The following MPO variants were observed in gnomAD, a reference collection of about 807,000 sequenced individuals.
MPO encodes myeloperoxidase.
MPO carries 57 observed loss-of-function variants against 69.4 expected under a neutral mutation model. The observed-to-expected ratio is 0.82, with a 90% CI of 0.66 to 1.02. MPO has a LOEUF of 1.02. Ranked by LOEUF, MPO falls within the 50% of genes least tolerant of loss-of-function variation. MPO has a pLI of 0.00. For synonymous variants in MPO, 426 were observed against 417.1 expected, an observed-to-expected ratio of 1.02 and a Z score of -0.26; for missense variants, 971 against 1,014.1, an observed-to-expected ratio of 0.96 and a Z score of 0.58.
In MPO at chr17:58,280,596, A is replaced by T; in HGVS notation, c.154+9T>A. The stretch of plus-strand genomic sequence containing the variant: ...ACACACCATCTTCTCCCACCTTGGG[A>T]ACTGTTACCTGGAGCAGCACCTTCA... On this transcript the variant is annotated intron_variant, in intron 1 of 11. Transcript: ENST00000225275. 1 of 1,614,182 alleles carries T rather than the reference A, an allele frequency of 6.2e-7. No homozygotes were observed. The highest frequency in any genetic ancestry group is 8.5e-7 in the Non-Finnish European group (1 of 1,180,034).
At chr17:58,276,087 T>C (rs35286509) in intron 7 of MPO, among the ~76,000 whole-genome samples, 180 of 152,354 alleles carry the variant, frequency 1.2e-3, no homozygotes, top group African/African-American at 4.2e-3. Flanking sequence ...ACAGAGTGCC[T>C]GGTACAAAGT....
chr17:58,280,061 C>G (rs1192100560), intron 2 of MPO, 47 bp from the exon 3 acceptor site: 1 of 1,606,738 alleles, frequency 6.2e-7, no homozygotes, highest in South Asian at 1.1e-5. Flanking sequence ...GATACAGACC[C>G]ACCCAGCAGA....
Position 58,280,417 on chromosome 17 carries a change from A to T in MPO, c.197T>A (p.Met66Lys). The T allele has an allele frequency of 6.2e-7, 1 of 1,613,920 alleles. No homozygotes were observed. Among genetic ancestry groups the T allele is most frequent in the Non-Finnish European group, 8.5e-7 (1 of 1,179,978 alleles). The change falls in exon 2 of 12, where the codon ATG becomes AAG. Residue 66 changes from methionine to lysine, a missense_variant. Physicochemically the swap from Met to Lys is moderately conservative, Grantham distance 95. Transcript: ENST00000225275. ...EVDTSLVLSS[M>K]EEAKQLVDKA... ...GTCCACCAGCTGCTTGGCCTCCTCC[A>T]TGGAGCTCAGCACCAACGAGGTGTC...
rs1391168492 is a variant in MPO, at chr17:58,273,041, G to A, written c.1622-123C>T. 5 of 1,252,382 alleles carry A rather than the reference G, an allele frequency of 4.0e-6. No individual in the cohort carries two copies. In the South Asian group the frequency reaches 4.0e-5, roughly 10 times the overall value. The allele number at this position is 1,252,382 out of a possible 1,614,324, so 77.6% of individuals were successfully genotyped here. ...GAGAAGAGGGCTGGGCACAAGCAGT[G>A]CCTGGTGCCAAGGTGGTGGCCCCAG... On this transcript the variant is annotated intron_variant, in intron 9 of 11. Coordinates refer to ENST00000225275, the MANE Select transcript of MPO (RefSeq NM_000250.2).
Position 58,271,697 on chromosome 17 carries a change from C to G in MPO, c.1988G>C (p.Cys663Ser). 1 of 1,613,964 alleles carries G rather than the reference C, an allele frequency of 6.2e-7. No homozygotes were observed. The highest frequency in any genetic ancestry group is 8.5e-7 in the Non-Finnish European group (1 of 1,180,050). ...RKGRVGPLLACIIGTQFRKLR... is the reference protein window; with the variant it reads ...RKGRVGPLLASIIGTQFRKLR... ...CTTCCTGAACTGGGTACCGATGATG[C>G]AGGCGAGGAGTGGGCCCACGCGGCC... Residue 663 changes from cysteine (C) to serine (S), a missense_variant, in exon 11 of 12, where the codon TGC becomes TCC. By Grantham distance (112) the Cys-to-Ser change is moderately radical. Coordinates refer to ENST00000225275, the MANE Select transcript of MPO (RefSeq NM_000250.2).
Position 58,269,899 on chromosome 17 carries a change from A to G in MPO, c.*757T>C, listed in dbSNP as rs1970346148. 1 of 153,050 alleles carries G rather than the reference A, an allele frequency of 6.5e-6. No homozygotes were observed. Among genetic ancestry groups the G allele is most frequent in the Non-Finnish European group, 1.5e-5 (1 of 68,682 alleles). The allele number at this position is 153,050 out of a possible 1,614,324, so 9.5% of individuals were successfully genotyped here. The stretch of plus-strand genomic sequence containing the variant: ...TGCCTTTATTATCATAAACATTGGG[A>G]GCAAATAAATGGTACAGAAAGGGCA... On this transcript the variant is annotated 3_prime_UTR_variant, in exon 12 of 12. Transcript: ENST00000225275.
At position 58,275,816 on chromosome 17, in the gene MPO, C is replaced by A. The variant is rs897633717; in HGVS notation, c.1205-114G>T. The stretch of plus-strand genomic sequence containing the variant: ...GAAATGCCTCCTACTCACCCCTCCT[C>A]CCCATCCATCTTTTCAAACTATCCC... On this transcript the variant is annotated intron_variant, in intron 7 of 11. Transcript: ENST00000225275. The surrounding 1 kb of genome is among the most constrained non-coding windows in gnomAD (Gnocchi z 4.1). 7 of 1,256,666 alleles carry A rather than the reference C, an allele frequency of 5.6e-6. No homozygotes were observed. The highest frequency in any genetic ancestry group is 3.9e-5 in the Admixed American group (2 of 50,712). 77.8% of individuals were successfully genotyped at this position (1,256,666 alleles called of 1,614,324 possible). A position where few individuals can be genotyped will look rare whatever the true frequency, so the allele number is the denominator to read the frequency against.
Position 58,270,985 on chromosome 17 carries a change from GA to G in MPO, c.2031-123del. 9.2e-7 allele frequency: 1 copy of G among 1,090,202 alleles called. No individual in the cohort carries two copies. The highest frequency in any genetic ancestry group is 1.4e-6 in the Non-Finnish European group (1 of 730,682). The allele number at this position is 1,090,202 out of a possible 1,614,324, so 67.5% of individuals were successfully genotyped here. A position where few individuals can be genotyped will look rare whatever the true frequency, so the allele number is the denominator to read the frequency against. On this transcript the variant is annotated intron_variant, in intron 11 of 11. Coordinates refer to ENST00000225275, the MANE Select transcript of MPO (RefSeq NM_000250.2). This position sits in a 1 kb window ranked among gnomAD's most constrained non-coding sequence, Gnocchi z 4.1. ...CAACAAATGCCACCTGGAAGCACAGGAGGGCCCCAGGCCCTTGGGCAGCCCA... is the reference window on the plus strand; with the variant it reads ...CAACAAATGCCACCTGGAAGCACAGGGGGCCCCAGGCCCTTGGGCAGCCCA...
Position 58,277,830 on chromosome 17 carries a change from C to A in MPO, c.1201G>T (p.Ala401Ser). The A allele has an allele frequency of 6.2e-7, 1 of 1,602,524 alleles. No individual in the cohort carries two copies. The highest frequency in any genetic ancestry group is 8.5e-7 in the Non-Finnish European group (1 of 1,179,964). The change falls in exon 7 of 12, where the codon GCA becomes TCA. Residue 401 changes from alanine to serine, a missense_variant. Ala to Ser is a moderately conservative substitution (Grantham distance 99). Coordinates refer to ENST00000225275, the MANE Select transcript of MPO (RefSeq NM_000250.2). ...TGGTCCCCACCCCAAAGCTGACCTG[C>A]CAGGAAGCAGGGGATGCGCGCTGAG... ...NRSARIPCFLAGDTRSSEMPE... is the reference protein window; with the variant it reads ...NRSARIPCFLSGDTRSSEMPE...
At chr17:58,272,666 A>T in intron 10 of MPO, 82 bp downstream of exon 10, 1 of 1,509,272 alleles carries the variant, frequency 6.6e-7, no homozygotes, top group Non-Finnish European at 9.0e-7. Flanking sequence ...CAGGGACCCT[A>T]GAGTGGGAAG....
intron 9 of MPO, among the ~76,000 whole-genome samples, chr17:58,273,157 C>T (rs752982656): frequency 6.6e-6 from 1 of 152,146 alleles, no homozygotes; most frequent in Non-Finnish European, 1.5e-5. Flanking sequence ...TGGGATGCTC[C>T]CAGGCCCTGG....
chr17:58,277,293 A>C (rs1228118808), intron 7 of MPO, among the ~76,000 whole-genome samples: 11 of 152,154 alleles, frequency 7.2e-5, no homozygotes. Context: ...TGATGAAAAT[A>C]TTTTACATCT....
chr17:58,272,689 C>T lies in MPO; in HGVS notation c.1792+59G>A, dbSNP rs562564787. The T allele has an allele frequency of 5.7e-6, 9 of 1,578,314 alleles. No homozygotes were observed. The South Asian group carries it at 7.9e-5, about 14-fold the overall frequency. ...CTAGAGTGGGAAGGGGGGTGATGGG[C>T]TACCTAGGAGGCAGCTCAGGGGAGG... On this transcript the variant is annotated intron_variant, in intron 10 of 11. Transcript: ENST00000225275.
intron 2 of MPO, 65 bp from the exon 3 acceptor site, chr17:58,280,079 C>G: frequency 6.3e-7 from 1 of 1,596,144 alleles, no homozygotes; most frequent in Non-Finnish European, 8.5e-7. Context: ...AGAGCCCCAG[C>G]CCAGGGGCAG....
chr17:58,279,722 T>G, intron 3 of MPO, 76 bp from the exon 4 acceptor site: 1 of 1,613,348 alleles, frequency 6.2e-7, no homozygotes, highest in Non-Finnish European at 8.5e-7. Context: ...TGAGGAGCCC[T>G]GGAGACTCCT....
At chr17:58,277,717 G>A in intron 7 of MPO, 110 bp downstream of exon 7, 2 of 1,454,722 alleles carry the variant, frequency 1.4e-6, no homozygotes, top group East Asian at 2.3e-5. Flanking sequence ...AATGGCTGGT[G>A]AGGACAGTCT....
Position 58,273,491 on chromosome 17 carries a change from C to A in MPO, c.1544G>T (p.Arg515Leu). The change falls in exon 9 of 12, where the codon CGG becomes CTG. Residue 515 changes from arginine to leucine, a missense_variant. Coordinates refer to ENST00000225275, the MANE Select transcript of MPO (RefSeq NM_000250.2). ...GGGGTTGGGTTCCATGGGCTGGTAC[C>A]GATTGTCCAGGCGGAACATGAAGGG... The part of the protein sequence containing the change: ...IQPFMFRLDN[R>L]YQPMEPNPRV... 6.2e-7 allele frequency: 1 copy of A among 1,614,168 alleles called. No individual in the cohort carries two copies. The highest frequency in any genetic ancestry group is 8.5e-7 in the Non-Finnish European group (1 of 1,180,032).
rs1970369243 is a variant in MPO at position 58,271,845 on chromosome 17, C to A, written c.1840G>T (p.Val614Leu). The A allele has an allele frequency of 6.2e-7, 1 of 1,614,080 alleles. No individual in the cohort carries two copies. The highest frequency in any genetic ancestry group is 1.3e-5 in the African/African-American group (1 of 74,938). ...RFCGLPQPET[V>L]GQLGTVLRNL... Reference sequence around the variant, plus strand: ...CTCAGCACCGTGCCCAGCTGGCCCACAGTTTCAGGCTGCGGGAGCCCACAG... The same window carrying A: ...CTCAGCACCGTGCCCAGCTGGCCCAAAGTTTCAGGCTGCGGGAGCCCACAG... Residue 614 changes from valine (V) to leucine (L), a missense_variant, in exon 11 of 12, where the codon GTG (valine) becomes TTG (leucine). By Grantham distance (32) the Val-to-Leu change is conservative. Transcript: ENST00000225275.
At chr17:58,279,450 A>C (rs758220746) in intron 4 of MPO, 24 bp from the exon 5 acceptor site, 2 of 1,611,756 alleles carry the variant, frequency 1.2e-6, no homozygotes, top group African/African-American at 2.7e-5. Flanking sequence ...CAGGGCGCTG[A>C]CACCGGGAGG....
Sources: allele counts gnomAD v4.1 joint callset (sites outside exome capture counted in the v4.1 genomes callset), GRCh38; gene constraint gnomAD v4.1.1; non-coding constraint Gnocchi (gnomAD v3.1); transcripts MANE v1.5; gene names NCBI Gene and HGNC (gene_info 2026-07-23, HGNC 2026-07-21).